Variants in DYNC1I1 observed in about 807,000 individuals in gnomAD.
DYNC1I1 encodes dynein cytoplasmic 1 intermediate chain 1, also known as cytoplasmic dynein 1 intermediate chain 1.
Under a neutral mutation model 86.6 loss-of-function variants are expected in DYNC1I1, and 43 were observed. The ratio of observed to expected loss-of-function variants is 0.50; its 90% CI spans 0.39 to 0.64. The LOEUF (loss-of-function observed/expected upper bound fraction) is 0.64. Ranked by LOEUF, DYNC1I1 falls within the 30% of genes least tolerant of loss-of-function variation. The pLI is 0.00. For missense variants in DYNC1I1, 604 were observed against 788.8 expected (o/e 0.77, Z 2.81); for synonymous variants, 262 against 283.7 (o/e 0.92, Z 0.77).
chr7:96,052,024 A>G (rs1789418329), intron 14 of DYNC1I1, among the ~76,000 whole-genome samples: 1 of 152,196 alleles, frequency 6.6e-6, no homozygotes, highest in Non-Finnish European at 1.5e-5. Context: ...CTTTCCCTGT[A>G]AGACTGTGAG....
intron 10 of DYNC1I1, among the ~76,000 whole-genome samples, chr7:96,005,193 C>T (rs528507579): frequency 1.1e-4 from 17 of 152,166 alleles, no homozygotes; most frequent in East Asian, 9.7e-4. Flanking sequence ...GTTACAGAGA[C>T]GGCATGAAAA....
chr7:95,914,442 A>G (rs1411218642), intron 6 of DYNC1I1, among the ~76,000 whole-genome samples: 3 of 152,254 alleles, frequency 2.0e-5, no homozygotes, highest in Non-Finnish European at 4.4e-5. Context: ...ATATTGGGTC[A>G]GTCATGTCTT....
At position 95,787,322 on chromosome 7, in the gene DYNC1I1, A is replaced by G. The variant is rs1393860498; in HGVS notation, c.-10+14549A>G. 1.3e-5 allele frequency among the ~76,000 whole-genome samples: 2 copies of G among 152,158 alleles called. 1 individual carries two copies. The highest frequency in any genetic ancestry group is 4.1e-4 in the South Asian group (2 of 4,820). ...GACTAGTGTGAGGTTATTAAGGATA[A>G]TCTTAAAGGCTGAGTCTAGAGGCAA... On this transcript the variant is annotated intron_variant, in intron 1 of 16. Coordinates refer to ENST00000447467, the MANE Select transcript of DYNC1I1 (RefSeq NM_001135556.2).
chr7:95,960,844 C>T (rs962095922), intron 6 of DYNC1I1, among the ~76,000 whole-genome samples: 2 of 152,196 alleles, frequency 1.3e-5, no homozygotes, highest in Non-Finnish European at 2.9e-5. Flanking sequence ...TGTTCAGCAT[C>T]GTCTAGACCT....
intron 11 of DYNC1I1, among the ~76,000 whole-genome samples, chr7:96,029,978 TTTGTTGTTG>T (rs555898210): frequency 6.6e-6 from 1 of 151,808 alleles, no homozygotes; most frequent in Non-Finnish European, 1.5e-5. Flanking sequence ...CTTTTGCTGT[TTTGTTGTTG>T]TTGTTGTTGT....
intron 5 of DYNC1I1, among the ~76,000 whole-genome samples, chr7:95,853,335 G>A (rs1417562045): frequency 6.6e-6 from 1 of 152,082 alleles, no homozygotes; most frequent in Non-Finnish European, 1.5e-5. Context: ...CCTTATAAAA[G>A]GACAAGTTCA....
chr7:95,870,272 A>G (rs998534000), intron 6 of DYNC1I1, among the ~76,000 whole-genome samples: 3 of 152,246 alleles, frequency 2.0e-5, no homozygotes, highest in African/African-American at 4.8e-5. Context: ...TCATCAAAGA[A>G]CAATGTAATA....
At chr7:95,932,099 A>G (rs1030660064) in intron 6 of DYNC1I1, among the ~76,000 whole-genome samples, 8 of 152,170 alleles carry the variant, frequency 5.3e-5, no homozygotes, top group South Asian at 2.1e-4. Flanking sequence ...TTTGCTGTTC[A>G]TGTCAAAATA....
chr7:95,870,991 C>T (rs966283348), intron 6 of DYNC1I1, among the ~76,000 whole-genome samples: 6 of 152,000 alleles, frequency 3.9e-5, no homozygotes, highest in Non-Finnish European at 5.9e-5. Flanking sequence ...TAAGTATGGA[C>T]AAAAGCCATG....
downstream of DYNC1I1, among the ~76,000 whole-genome samples, chr7:96,100,120 A>C (rs1356558175): frequency 6.6e-6 from 1 of 152,148 alleles, no homozygotes; most frequent in African/African-American, 2.4e-5. Flanking sequence ...CCCATTACCA[A>C]GTTTGACCAA....
intron 14 of DYNC1I1, among the ~76,000 whole-genome samples, chr7:96,069,956 C>A (rs192565102): frequency 2.0e-5 from 3 of 152,104 alleles, no homozygotes; most frequent in Non-Finnish European, 2.9e-5. Flanking sequence ...AAAGTCCTTG[C>A]CTAATTTTGG....
intron 16 of DYNC1I1, among the ~76,000 whole-genome samples, chr7:96,104,122 T>A (rs558993959): frequency 1.3e-5 from 2 of 152,292 alleles, no homozygotes; most frequent in East Asian, 1.9e-4. Context: ...CCTTCTAGTA[T>A]CTTGGCCACA....
chr7:95,869,952 C>T lies in DYNC1I1; in HGVS notation c.444C>T (p.Ser148=). The part of the protein sequence containing the change: ...QVDFLPREVV[S]YSKETQTPLA... ...ATTTCCTGCCAAGGGAAGTAGTGTC[C>T]TACTCAAAGGAGACCCAGACTCCTC... The change falls in exon 6 of 17, where the codon TCC becomes TCT. Residue 148 remains serine, a synonymous_variant. Transcript: ENST00000447467. The T allele has an allele frequency of 6.2e-7, 1 of 1,614,088 alleles. No homozygotes were observed. The highest frequency in any genetic ancestry group is 8.5e-7 in the Non-Finnish European group (1 of 1,179,992).
chr7:95,954,412 C>T (rs1157458160), intron 6 of DYNC1I1, among the ~76,000 whole-genome samples: 1 of 151,862 alleles, frequency 6.6e-6, no homozygotes, highest in African/African-American at 2.4e-5. Context: ...TATTGGACAA[C>T]ATGGAGCATT....
intron 6 of DYNC1I1, among the ~76,000 whole-genome samples, chr7:95,898,226 A>G (rs1790938877): frequency 6.6e-6 from 1 of 152,168 alleles, no homozygotes; most frequent in Non-Finnish European, 1.5e-5. Context: ...TAATGATTTG[A>G]ATATCAAACT....
At chr7:95,799,147 G>GT (rs1273775832) in intron 1 of DYNC1I1, among the ~76,000 whole-genome samples, 1 of 152,126 alleles carries the variant, frequency 6.6e-6, no homozygotes, top group Non-Finnish European at 1.5e-5. Context: ...GAAGGCCCAG[G>GT]TAGGAGGATT....
At chr7:95,961,318 T>C (rs1792861339) in intron 6 of DYNC1I1, among the ~76,000 whole-genome samples, 1 of 152,196 alleles carries the variant, frequency 6.6e-6, no homozygotes, top group African/African-American at 2.4e-5. Context: ...TTCAACTTCA[T>C]GGATGGCAAT....
At chr7:96,055,558 A>G (rs1055501502) in intron 14 of DYNC1I1, among the ~76,000 whole-genome samples, 2 of 152,174 alleles carry the variant, frequency 1.3e-5, no homozygotes, top group Non-Finnish European at 2.9e-5. Context: ...ATTACTTCTA[A>G]TGGGCAAATC....
rs1281490503 is a variant in DYNC1I1, at chr7:96,082,306, CTCTT to C, written c.1776+1824_1776+1827del. On this transcript the variant is annotated intron_variant, in intron 16 of 16. Transcript: ENST00000447467. The stretch of plus-strand genomic sequence containing the variant: ...TAAAAAAAAAAAAAGCCTTTTCTCT[CTCTT>C]TCTTTTCTTCCTTTCTTCCTTTCTT... Among the ~76,000 whole-genome samples the C allele has an allele frequency of 2.0e-5, 3 of 151,702 alleles. 1 individual carries two copies. Among genetic ancestry groups the C allele is most frequent in the Admixed American group, 2.0e-4 (3 of 15,228 alleles).
Sources: allele counts gnomAD v4.1 joint callset (sites outside exome capture counted in the v4.1 genomes callset), GRCh38; gene constraint gnomAD v4.1.1; transcripts MANE v1.5; gene names NCBI Gene and HGNC (gene_info 2026-07-23, HGNC 2026-07-21).